The following ABHD4 variants were observed in gnomAD, a reference collection of about 807,000 sequenced individuals.
The protein encoded by ABHD4 is abhydrolase domain containing 4, N-acyl phospholipase B.
A neutral mutation model predicts 42.3 loss-of-function variants in ABHD4; 35 were observed. That is an observed-to-expected ratio of 0.83 (90% CI 0.63 to 1.10). The LOEUF (loss-of-function observed/expected upper bound fraction) is 1.10. Ranked by LOEUF, ABHD4 falls within the 50% of genes least tolerant of loss-of-function variation. ABHD4 has a pLI of 0.00. For synonymous variants in ABHD4, 169 were observed against 170.6 expected, an observed-to-expected ratio of 0.99 and a Z score of 0.07; for missense variants, 389 against 454.8, an observed-to-expected ratio of 0.86 and a Z score of 1.32.
chr14:22,611,802 T>A lies in ABHD4; in HGVS notation c.*854T>A, dbSNP rs1386895454. 6.5e-6 allele frequency: 1 copy of A among 153,334 alleles called. No individual in the cohort carries two copies. Among genetic ancestry groups the A allele is most frequent in the Non-Finnish European group, 1.5e-5 (1 of 68,620 alleles). The allele number at this position is 153,334 out of a possible 1,614,324, so 9.5% of individuals were successfully genotyped here. A position where few individuals can be genotyped will look rare whatever the true frequency, so the allele number is the denominator to read the frequency against. On this transcript the variant is annotated 3_prime_UTR_variant, in exon 7 of 7. Coordinates refer to ENST00000428304, the MANE Select transcript of ABHD4 (RefSeq NM_022060.3). ...GCCTAAGCTAGGGACACTCAAGTGC[T>A]TCCTTCCTTGCCCCATCTTCCTCCC...
chr14:22,603,266 A>C, intron 2 of ABHD4, 124 bp from the exon 3 acceptor site: 5 of 1,231,676 alleles, frequency 4.1e-6, no homozygotes, highest in Non-Finnish European at 5.7e-6. Context: ...TGTGAGAGGA[A>C]GGAGCTGAGG....
chr14:22,604,824 G>T (rs1376808596), intron 4 of ABHD4, among the ~76,000 whole-genome samples: 1 of 151,340 alleles, frequency 6.6e-6, no homozygotes, highest in Non-Finnish European at 1.5e-5. Context: ...TGGCTAGGCT[G>T]GTCTTGAACT....
intron 5 of ABHD4, among the ~76,000 whole-genome samples, chr14:22,608,546 CT>C (rs34274614): frequency 6.6e-6 from 1 of 152,202 alleles, no homozygotes; most frequent in African/African-American, 2.4e-5. Flanking sequence ...TCAGGAAGCC[CT>C]TTTTACTACT....
At chr14:22,608,210 T>C (rs1365904550) in intron 5 of ABHD4, among the ~76,000 whole-genome samples, 1 of 152,198 alleles carries the variant, frequency 6.6e-6, no homozygotes, top group Non-Finnish European at 1.5e-5. Flanking sequence ...AGGAAAAATT[T>C]ATTTCTGATG....
intron 4 of ABHD4, among the ~76,000 whole-genome samples, chr14:22,604,821 G>A (rs909061291): frequency 6.6e-6 from 1 of 151,636 alleles, no homozygotes; most frequent in African/African-American, 2.4e-5. Flanking sequence ...TGTTGGCTAG[G>A]CTGGTCTTGA....
At position 22,601,707 on chromosome 14, in the gene ABHD4, C is replaced by A; in HGVS notation, c.64C>A (p.Pro22Thr). The change falls in exon 2 of 7, where the codon CCC becomes ACC. Residue 22 changes from proline (P) to threonine (T), a missense_variant. By Grantham distance (38) the Pro-to-Thr change is conservative. Coordinates refer to ENST00000428304, the MANE Select transcript of ABHD4 (RefSeq NM_022060.3). ...GAGTAGCTGGCTGCCCACGTGGCGC[C>A]CCACTTCCATGTCTCAGCTGAAGAA... ...WLSSWLPTWR[P>T]TSMSQLKNVE... 1.2e-6 allele frequency: 2 copies of A among 1,614,166 alleles called. No individual in the cohort carries two copies. Among genetic ancestry groups the A allele is most frequent in the Non-Finnish European group, 1.7e-6 (2 of 1,180,020 alleles).
intron 4 of ABHD4, 90 bp from the exon 5 acceptor site, chr14:22,606,332 T>G: frequency 1.2e-6 from 1 of 819,936 alleles, no homozygotes. Flanking sequence ...AAATAAGGTT[T>G]AGTTAAAGTT....
chr14:22,601,621 T>G, intron 1 of ABHD4, 46 bp from the exon 2 acceptor site: 10 of 1,549,214 alleles, frequency 6.5e-6, no homozygotes, highest in Non-Finnish European at 8.9e-6. Context: ...AGCATCAATG[T>G]TTCTTTCCAA....
chr14:22,598,474 C>T lies in ABHD4; in HGVS notation c.23+145C>T, dbSNP rs759415103. The stretch of plus-strand genomic sequence containing the variant: ...CTCCGGGGAGGGCGGGGGGTGGGTG[C>T]GTTGCTTGCTTTGCATTTGCCCAGA... On this transcript the variant is annotated intron_variant, in intron 1 of 6. Transcript: ENST00000428304. 8 of 1,536,998 alleles carry T rather than the reference C, an allele frequency of 5.2e-6. No individual in the cohort carries two copies. In the South Asian group the frequency reaches 7.2e-5, roughly 14 times the overall value.
intron 4 of ABHD4, chr14:22,605,779 A>C: frequency 3.1e-6 from 4 of 1,286,134 alleles, no homozygotes; most frequent in Non-Finnish European, 4.1e-6. Context: ...CTTGCTTCTC[A>C]TAAACAGAGA....
chr14:22,598,424 C>T, intron 1 of ABHD4, 95 bp downstream of exon 1: 8 of 1,549,550 alleles, frequency 5.2e-6, no homozygotes, highest in Non-Finnish European at 7.0e-6. Flanking sequence ...TAGACACCTT[C>T]CCGCTCTTCC....
In ABHD4 at chr14:22,601,680, C is replaced by T. The variant is rs767410857; in HGVS notation, c.37C>T (p.Leu13=). 24 of 1,614,034 alleles carry T rather than the reference C, an allele frequency of 1.5e-5. 1 individual carries two copies. The East Asian group carries it at 4.7e-4, about 31-fold the overall frequency. Residue 13 remains leucine, a synonymous_variant, in exon 2 of 7, where the codon CTG becomes TTG. Transcript: ENST00000428304. ...TCCTCCTCCCAGGTCTCAAGGCTGG[C>T]TGAGTAGCTGGCTGCCCACGTGGCG... is the stretch of plus-strand genomic sequence containing the variant. ...DDLEQQSQGW[L]SSWLPTWRPT...
At position 22,609,839 on chromosome 14, in the gene ABHD4, G is replaced by A. The variant is rs376914666; in HGVS notation, c.868G>A (p.Asp290Asn). 3.2e-5 allele frequency: 51 copies of A among 1,613,946 alleles called. No individual in the cohort carries two copies. Among genetic ancestry groups the A allele is most frequent in the Non-Finnish European group, 3.9e-5 (46 of 1,180,026 alleles). ...DVPITMIYGS[D>N]TWIDTSTGKK... ...GCCTATCACTATGATCTACGGGTCC[G>A]ACACCTGGATAGATACCAGTACGGG... The change falls in exon 6 of 7, where the codon GAC (aspartate) becomes AAC (asparagine). Residue 290 changes from aspartate to asparagine, a missense_variant. Coordinates refer to ENST00000428304, the MANE Select transcript of ABHD4 (RefSeq NM_022060.3).
chr14:22,604,001 C>T lies in ABHD4; in HGVS notation c.562C>T (p.Pro188Ser). ...TAACCCCAGTGAGATCCGTGCACCC[C>T]CAGCCTGGGTCAAAGCCGTGGCATC... ...PTNPSEIRAP[P>S]AWVKAVASVL... Residue 188 changes from proline (P) to serine (S), a missense_variant, in exon 4 of 7, where the codon CCA becomes TCA. Physicochemically the swap from Pro to Ser is moderately conservative, Grantham distance 74 (BLOSUM62 -1). Coordinates refer to ENST00000428304, the MANE Select transcript of ABHD4 (RefSeq NM_022060.3). The T allele has an allele frequency of 6.2e-7, 1 of 1,614,228 alleles. No individual in the cohort carries two copies. The highest frequency in any genetic ancestry group is 8.5e-7 in the Non-Finnish European group (1 of 1,180,052).
Position 22,601,542 on chromosome 14 carries a change from G to T in ABHD4, c.24-125G>T. 4 of 800,054 alleles carry T rather than the reference G, an allele frequency of 5.0e-6. No homozygotes were observed. The South Asian group carries it at 6.3e-5, about 13-fold the overall frequency. 49.6% of individuals were successfully genotyped at this position (800,054 alleles called of 1,614,324 possible). ...AGGGAACTGCTGCCTGCCATGGGGG[G>T]CAGGTCTCTCAAGGCTAGGAAACAC... On this transcript the variant is annotated intron_variant, in intron 1 of 6. Transcript: ENST00000428304.
chr14:22,601,595 T>A, intron 1 of ABHD4, 72 bp from the exon 2 acceptor site: 1 of 1,445,088 alleles, frequency 6.9e-7, no homozygotes. Flanking sequence ...CTTTTGTAAC[T>A]CTCAGCAAGG....
rs2037418979 is a variant in ABHD4, at chr14:22,611,853, G to C, written c.*905G>C. ...AACTGGAGGCCTCTGAGCCTCCCCTGTGCCTTGGGCCCTGAAGCCCCATAT... is the reference window on the plus strand; with the variant it reads ...AACTGGAGGCCTCTGAGCCTCCCCTCTGCCTTGGGCCCTGAAGCCCCATAT... On this transcript the variant is annotated 3_prime_UTR_variant, in exon 7 of 7. Transcript: ENST00000428304. 2 of 152,814 alleles carry C rather than the reference G, an allele frequency of 1.3e-5. No homozygotes were observed. The allele number at this position is 152,814 out of a possible 1,614,324, so 9.5% of individuals were successfully genotyped here.
intron 4 of ABHD4, among the ~76,000 whole-genome samples, chr14:22,604,441 G>A (rs574303762): frequency 1.3e-5 from 2 of 152,268 alleles, no homozygotes; most frequent in South Asian, 4.1e-4. Context: ...TAGTAGAGAC[G>A]GGGTTTCATC....
chr14:22,606,375 C>A, intron 4 of ABHD4, 47 bp from the exon 5 acceptor site: 1 of 1,333,868 alleles, frequency 7.5e-7, no homozygotes, highest in Non-Finnish European at 1.1e-6. Context: ...GTCTTCCCTG[C>A]CCCACCTCCC....
Sources: gnomAD v4.1 joint callset for allele counts (sites outside exome capture counted in the v4.1 genomes callset) on GRCh38, gnomAD v4.1.1 for gene constraint, MANE v1.5 for transcripts, NCBI Gene and HGNC (gene_info 2026-07-23, HGNC 2026-07-21) for gene names.